SLC30A6: variants seen among roughly 807,000 people sequenced by gnomAD.
The protein encoded by SLC30A6 is zinc transporter 6.
A neutral mutation model predicts 63.0 loss-of-function variants in SLC30A6; 55 were observed. That is an observed-to-expected ratio of 0.87 (90% CI 0.70 to 1.09). The LOEUF is 1.09. SLC30A6 is among the 50% of genes least tolerant of loss of function. The probability of loss-of-function intolerance (pLI) is 0.00; values close to 1 mark genes in which losing one functional copy is unlikely to be tolerated. For missense variants in SLC30A6, 587 were observed against 549.2 expected, an observed-to-expected ratio of 1.07 and a Z score of -0.69; for synonymous variants, 224 against 186.1, an observed-to-expected ratio of 1.20 and a Z score of -1.66.
intron 2 of SLC30A6, among the ~76,000 whole-genome samples, chr2:32,172,957 C>A (rs1466997654): frequency 6.6e-6 from 1 of 152,178 alleles, no homozygotes. Context: ...CTCCGCCTTC[C>A]CTCCTATTTC....
At chr2:32,182,943 C>A (rs778701328) in intron 4 of SLC30A6, among the ~76,000 whole-genome samples, 44 of 152,128 alleles carry the variant, frequency 2.9e-4, no homozygotes, top group Admixed American at 2.8e-3. Context: ...AATCCCAGCC[C>A]TTTGGGAGGC....
intron 5 of SLC30A6, chr2:32,187,042 G>A: frequency 2.7e-6 from 1 of 370,426 alleles, no homozygotes; most frequent in Non-Finnish European, 5.4e-6. Flanking sequence ...TGAGTTCGGG[G>A]GAAAAAATGG....
intron 13 of SLC30A6, among the ~76,000 whole-genome samples, chr2:32,210,515 C>CAAAAAAAA (rs3040860): frequency 4.5e-5 from 4 of 89,206 alleles, no homozygotes; most frequent in African/African-American, 1.8e-4. Flanking sequence ...ACTCTGTCTC[C>CAAAAAAAA]AAAAAAAAAA....
intron 8 of SLC30A6, among the ~76,000 whole-genome samples, chr2:32,194,420 A>T (rs1033026183): frequency 2.0e-5 from 3 of 152,222 alleles, no homozygotes; most frequent in Non-Finnish European, 2.9e-5. Flanking sequence ...GGATGGGCAT[A>T]TATGTTTGCA....
At chr2:32,203,732 A>T in intron 10 of SLC30A6, 1 of 1,526,342 alleles carries the variant, frequency 6.6e-7, no homozygotes, top group African/African-American at 1.4e-5. Flanking sequence ...GAAAGGTTAC[A>T]GGCAGAGTGG....
At chr2:32,193,401 C>T (rs1200562868) in intron 7 of SLC30A6, among the ~76,000 whole-genome samples, 1 of 151,474 alleles carries the variant, frequency 6.6e-6, no homozygotes. Context: ...AGAGTGAGAC[C>T]CTGTCTCCAA....
At chr2:32,171,450 C>T in intron 2 of SLC30A6, 77 bp downstream of exon 2, 1 of 1,168,450 alleles carries the variant, frequency 8.6e-7, no homozygotes, top group Non-Finnish European at 1.3e-6. Flanking sequence ...ATTTTTAAGG[C>T]CAATAGAAAT....
At position 32,202,023 on chromosome 2, in the gene SLC30A6, G is replaced by T. The variant is rs1158789200; in HGVS notation, c.666-2567G>T. ...TACTGAATGAGATATTGATGAATAT[G>T]AAAAAAAAAAAGCAAGTATCATCCT... On this transcript the variant is annotated intron_variant, in intron 10 of 13. Transcript: ENST00000282587. 4 of 887,006 alleles carry T rather than the reference G, an allele frequency of 4.5e-6. No homozygotes were observed. In the South Asian group the frequency reaches 7.9e-5, roughly 17 times the overall value. The allele number at this position is 887,006 out of a possible 1,614,324, so 54.9% of individuals were successfully genotyped here.
At chr2:32,219,333 G>A (rs1673387137) in intron 13 of SLC30A6, among the ~76,000 whole-genome samples, 1 of 151,808 alleles carries the variant, frequency 6.6e-6, no homozygotes, top group Non-Finnish European at 1.5e-5. Context: ...ACCACACCCA[G>A]CCCTTTCCTC....
At chr2:32,166,530 T>C (rs1464996495) in intron 1 of SLC30A6, among the ~76,000 whole-genome samples, 1 of 152,264 alleles carries the variant, frequency 6.6e-6, no homozygotes, top group African/African-American at 2.4e-5. Flanking sequence ...TATGGTGTTT[T>C]CTCTCAAATT....
chr2:32,220,406 C>T lies in SLC30A6; in HGVS notation c.1079C>T (p.Pro360Leu). 6.2e-7 allele frequency: 1 copy of T among 1,614,154 alleles called. No homozygotes were observed. Residue 360 changes from proline (P) to leucine (L), a missense_variant, in exon 14 of 14, where the codon CCA becomes CTA. Coordinates refer to ENST00000282587, the MANE Select transcript of SLC30A6 (RefSeq NM_017964.5). Reference sequence around the variant, plus strand: ...AACTTTTCAGATCATCACGTAATCCCAATGCCTCTTTTAAAGGGTACTGAT... The same window carrying T: ...AACTTTTCAGATCATCACGTAATCCTAATGCCTCTTTTAAAGGGTACTGAT... The part of the protein sequence containing the change: ...VLNFSDHHVI[P>L]MPLLKGTDDL...
chr2:32,209,693 T>C (rs1203401534), intron 13 of SLC30A6, 132 bp downstream of exon 13: 2 of 717,494 alleles, frequency 2.8e-6, no homozygotes, highest in African/African-American at 1.8e-5. Flanking sequence ...GAGTCTAAAA[T>C]GTACATGAAT....
intron 13 of SLC30A6, among the ~76,000 whole-genome samples, chr2:32,216,923 C>A (rs1167033312): frequency 2.0e-5 from 3 of 151,930 alleles, no homozygotes; most frequent in Non-Finnish European, 4.4e-5. Context: ...AAGTCTAGCT[C>A]TGTCACCCAG....
At chr2:32,180,842 A>G (rs925606391) in intron 4 of SLC30A6, among the ~76,000 whole-genome samples, 1 of 152,248 alleles carries the variant, frequency 6.6e-6, no homozygotes, top group Non-Finnish European at 1.5e-5. Flanking sequence ...AACTAAAGTA[A>G]TAATGTTTCC....
chr2:32,224,204 AG>A lies in SLC30A6; in HGVS notation c.*3493del. The A allele has an allele frequency of 6.5e-6, 2 of 306,426 alleles. No homozygotes were observed. The highest frequency in any genetic ancestry group is 6.0e-6 in the Non-Finnish European group (1 of 167,292). 19.0% of individuals were successfully genotyped at this position (306,426 alleles called of 1,614,324 possible). On this transcript the variant is annotated 3_prime_UTR_variant, in exon 14 of 14. Transcript: ENST00000282587. ...TATTGTTGAGAATCTCTTACATGCC[AG>A]GCACTATACTAAGTTAATATGCATT...
At position 32,175,336 on chromosome 2, in the gene SLC30A6, T is replaced by C. The variant is rs750760297; in HGVS notation, c.193T>C (p.Tyr65His). The C allele has an allele frequency of 6.2e-7, 1 of 1,612,066 alleles. No individual in the cohort carries two copies. Among genetic ancestry groups the C allele is most frequent in the Non-Finnish European group, 8.5e-7 (1 of 1,179,412 alleles). ...TTTTGCAGCTTTAACTGCCTATACT[T>C]ACCTGACCATTTTTGATCTTTTTAG... is the stretch of plus-strand genomic sequence containing the variant. The part of the protein sequence containing the change: ...TNSIALTAYT[Y>H]LTIFDLFSLM... Residue 65 changes from tyrosine to histidine, a missense_variant, in exon 4 of 14, where the codon TAC becomes CAC. By Grantham distance (83) the Tyr-to-His change is moderately conservative. Coordinates refer to ENST00000282587, the MANE Select transcript of SLC30A6 (RefSeq NM_017964.5).
rs115049247 is a variant in SLC30A6, at chr2:32,215,893, A to T, written c.886-4320A>T. On this transcript the variant is annotated intron_variant, in intron 13 of 13. Coordinates refer to ENST00000282587, the MANE Select transcript of SLC30A6 (RefSeq NM_017964.5). Reference sequence around the variant, plus strand: ...TTTTTTATAACGATAGAGTCTTGCTATGTGGTCCAGGCTGGTCTCAAACTC... The same window carrying T: ...TTTTTTATAACGATAGAGTCTTGCTTTGTGGTCCAGGCTGGTCTCAAACTC... Among the ~76,000 whole-genome samples, 790 of 151,884 alleles carry T rather than the reference A, an allele frequency of 5.2e-3. 6 individuals carry two copies. The highest frequency in any genetic ancestry group is 0.017 in the African/African-American group (720 of 41,400).
intron 8 of SLC30A6, among the ~76,000 whole-genome samples, chr2:32,195,843 A>T: frequency 6.6e-6 from 1 of 152,078 alleles, no homozygotes; most frequent in South Asian, 2.1e-4. Flanking sequence ...CTCCCAGCCT[A>T]CTTTATATTT....
intron 8 of SLC30A6, among the ~76,000 whole-genome samples, chr2:32,194,525 C>A (rs556643565): frequency 6.6e-6 from 1 of 152,028 alleles, no homozygotes; most frequent in Non-Finnish European, 1.5e-5. Flanking sequence ...AAATTATTTT[C>A]TTTTTTCAAT....
Sources: gnomAD v4.1 joint callset for allele counts (sites outside exome capture counted in the v4.1 genomes callset) on GRCh38, gnomAD v4.1.1 for gene constraint, MANE v1.5 for transcripts, NCBI Gene and HGNC (gene_info 2026-07-23, HGNC 2026-07-21) for gene names.